PARD3B: variants seen among roughly 807,000 people sequenced by gnomAD.
The protein encoded by PARD3B is par-3 family cell polarity regulator beta.
Under a neutral mutation model 130.2 loss-of-function variants are expected in PARD3B, and 103 were observed. That is an observed-to-expected ratio of 0.79 (90% CI 0.67 to 0.93). PARD3B has a LOEUF of 0.93. Ranked by LOEUF, PARD3B falls within the 40% of genes least tolerant of loss-of-function variation. The pLI is 0.00. For synonymous variants in PARD3B, 583 were observed against 553.2 expected (o/e 1.05, Z -0.76); for missense variants, 1,609 against 1,499.2 (o/e 1.07, Z -1.21).
intron 20 of PARD3B, among the ~76,000 whole-genome samples, 176 bp from the exon 21 acceptor site, chr2:205,499,720 G>A (rs561334538): frequency 5.5e-4 from 84 of 152,238 alleles, no homozygotes; most frequent in African/African-American, 2.0e-3. Flanking sequence ...AGGTAGGCAC[G>A]TAAAGACCAC....
intron 22 of PARD3B, among the ~76,000 whole-genome samples, chr2:205,560,134 C>T (rs571543379): frequency 1.6e-4 from 25 of 152,250 alleles, no homozygotes; most frequent in African/African-American, 6.0e-4. Context: ...AGTCTGGCTG[C>T]GAGTTTGTTC....
chr2:205,567,377 C>T (rs1438726522), intron 22 of PARD3B, among the ~76,000 whole-genome samples: 2 of 127,914 alleles, frequency 1.6e-5, no homozygotes, highest in Admixed American at 9.5e-5. Flanking sequence ...TGCAGTGGCA[C>T]GATCTCGGCT....
At chr2:204,702,855 C>T (rs1016302040) in intron 2 of PARD3B, among the ~76,000 whole-genome samples, 7 of 152,106 alleles carry the variant, frequency 4.6e-5, no homozygotes, top group African/African-American at 1.2e-4. Flanking sequence ...GGATTACAGG[C>T]GTGAGCCACC....
At chr2:205,375,668 G>A (rs1351764597) in intron 18 of PARD3B, among the ~76,000 whole-genome samples, 2 of 152,066 alleles carry the variant, frequency 1.3e-5, no homozygotes, top group Non-Finnish European at 2.9e-5. Flanking sequence ...GAGAGAGAGA[G>A]AGAACGCACA....
chr2:205,483,999 C>A (rs900029222), intron 20 of PARD3B, among the ~76,000 whole-genome samples: 2 of 152,126 alleles, frequency 1.3e-5, no homozygotes, highest in Non-Finnish European at 2.9e-5. Flanking sequence ...AGAACACAGT[C>A]CTGTAACAAA....
intron 2 of PARD3B, among the ~76,000 whole-genome samples, chr2:204,941,235 G>C (rs182448573): frequency 2.0e-5 from 3 of 152,140 alleles, no homozygotes; most frequent in Admixed American, 6.5e-5. Context: ...TTAGCAGGGC[G>C]TGGTGGCACG....
At chr2:204,643,113 C>CAAAAAAAA (rs1252171157) in intron 1 of PARD3B, among the ~76,000 whole-genome samples, 1 of 4,312 alleles carries the variant, frequency 2.3e-4, no homozygotes, top group African/African-American at 4.1e-4. Flanking sequence ...GACTCTGTCT[C>CAAAAAAAA]ACAAAAAAAA....
intron 2 of PARD3B, among the ~76,000 whole-genome samples, chr2:204,855,501 C>T (rs796751566): frequency 6.6e-6 from 1 of 150,986 alleles, no homozygotes; most frequent in Admixed American, 6.6e-5. Flanking sequence ...GAGATTTTGC[C>T]ACTGCACTCC....
chr2:205,009,571 T>C (rs1309901085), intron 3 of PARD3B, among the ~76,000 whole-genome samples: 1 of 150,832 alleles, frequency 6.6e-6, no homozygotes, highest in Non-Finnish European at 1.5e-5. Context: ...CTCGGGAGGC[T>C]GAGGCAGGAG....
At chr2:204,836,722 G>A (rs986094552) in intron 2 of PARD3B, among the ~76,000 whole-genome samples, 4 of 152,110 alleles carry the variant, frequency 2.6e-5, no homozygotes, top group Admixed American at 6.6e-5. Context: ...AAAAAAAATC[G>A]TGTAGGTGTG....
intron 18 of PARD3B, among the ~76,000 whole-genome samples, chr2:205,387,679 T>C (rs192634978): frequency 6.6e-6 from 1 of 152,308 alleles, no homozygotes; most frequent in East Asian, 1.9e-4. Context: ...CAAATATGAC[T>C]GTAATGTTTG....
intron 20 of PARD3B, among the ~76,000 whole-genome samples, chr2:205,444,109 A>T (rs1433590253): frequency 6.6e-6 from 1 of 152,176 alleles, no homozygotes. Context: ...CCACTTCCCA[A>T]GTAGCTGGGA....
chr2:204,738,186 T>G (rs2125356078), intron 2 of PARD3B, among the ~76,000 whole-genome samples: 1 of 152,340 alleles, frequency 6.6e-6, no homozygotes, highest in Middle Eastern at 3.4e-3. Flanking sequence ...TTCACAATAT[T>G]GATCCTTCTA....
intron 22 of PARD3B, among the ~76,000 whole-genome samples, chr2:205,573,756 A>C (rs778863921): frequency 2.6e-5 from 4 of 152,206 alleles, no homozygotes; most frequent in Non-Finnish European, 5.9e-5. Context: ...TTTTACAAGG[A>C]ATATCTATAG....
At chr2:204,595,751 T>C (rs2033259802) in intron 1 of PARD3B, among the ~76,000 whole-genome samples, 1 of 152,258 alleles carries the variant, frequency 6.6e-6, no homozygotes, top group Non-Finnish European at 1.5e-5. Flanking sequence ...GCATGTACTT[T>C]AAATGTTTCA....
intron 18 of PARD3B, among the ~76,000 whole-genome samples, chr2:205,399,985 C>G (rs2046191388): frequency 6.6e-6 from 1 of 152,084 alleles, no homozygotes; most frequent in South Asian, 2.1e-4. Flanking sequence ...AGGTTCGACA[C>G]CTCTCAGAGC....
At chr2:205,374,988 A>G (rs768444128) in intron 18 of PARD3B, among the ~76,000 whole-genome samples, 1 of 152,226 alleles carries the variant, frequency 6.6e-6, no homozygotes, top group Non-Finnish European at 1.5e-5. Context: ...AATGATATGT[A>G]AAATTTTAAT....
chr2:205,612,936 C>T (rs1051212857), intron 22 of PARD3B, among the ~76,000 whole-genome samples: 1 of 152,112 alleles, frequency 6.6e-6, no homozygotes, highest in Non-Finnish European at 1.5e-5. Flanking sequence ...TAGCGACTGT[C>T]CCCCCATGTG....
intron 1 of PARD3B, among the ~76,000 whole-genome samples, chr2:204,578,170 G>T (rs1487982745): frequency 6.6e-6 from 1 of 152,190 alleles, no homozygotes; most frequent in African/African-American, 2.4e-5. Context: ...TTTTCTCTAA[G>T]AGGAATCAAT....
Sources: gnomAD v4.1 joint callset for allele counts (sites outside exome capture counted in the v4.1 genomes callset) on GRCh38, gnomAD v4.1.1 for gene constraint, MANE v1.5 for transcripts, NCBI Gene and HGNC (gene_info 2026-07-23, HGNC 2026-07-21) for gene names.